Variants in MAN1A1 observed in about 807,000 individuals in gnomAD.
MAN1A1 encodes mannosyl-oligosaccharide 1,2-alpha-mannosidase IA.
In MAN1A1, 29 loss-of-function variants were observed where a neutral mutation model predicts 70.8. That is an observed-to-expected ratio of 0.41 (90% confidence interval 0.31 to 0.56). The LOEUF (loss-of-function observed/expected upper bound fraction) is 0.56, where lower values mean the gene tolerates loss of function less well. Among genes scored for constraint, MAN1A1 ranks in the 20% least tolerant of loss-of-function variants. The pLI is 0.29. For missense variants in MAN1A1, 747 were observed against 841.3 expected (o/e 0.89, Z 1.39); for synonymous variants, 349 against 330.1 (o/e 1.06, Z -0.62).
At chr6:119,180,523 T>TC (rs1773123877) in intron 11 of MAN1A1, 96 bp from the exon 12 acceptor site, 3 of 685,178 alleles carry the variant, frequency 4.4e-6, no homozygotes, top group Non-Finnish European at 5.0e-6. Context: ...TAAAACATTT[T>TC]TTTTTTTTGA....
chr6:119,200,311 T>C (rs1316019065), intron 8 of MAN1A1, among the ~76,000 whole-genome samples: 2 of 152,338 alleles, frequency 1.3e-5, no homozygotes, highest in Middle Eastern at 3.4e-3. Context: ...CAGTGATCTG[T>C]TGACCACACT....
At chr6:119,337,638 G>A (rs975550825) in intron 2 of MAN1A1, among the ~76,000 whole-genome samples, 1 of 152,064 alleles carries the variant, frequency 6.6e-6, no homozygotes, top group African/African-American at 2.4e-5. Context: ...CCTACACTGT[G>A]GCTTTATCTT....
chr6:119,319,769 C>T lies in MAN1A1; in HGVS notation c.604-12777G>A, dbSNP rs77595299. On this transcript the variant is annotated intron_variant, in intron 2 of 12. Coordinates refer to ENST00000368468, the MANE Select transcript of MAN1A1 (RefSeq NM_005907.4). ...TTGCTGAAACTGACAACTGTAAAAGCCTAATGTTCTTTCCTGGCCTCTTCA... is the reference window on the plus strand; with the variant it reads ...TTGCTGAAACTGACAACTGTAAAAGTCTAATGTTCTTTCCTGGCCTCTTCA... Among the ~76,000 whole-genome samples the T allele has an allele frequency of 5.9e-3, 897 of 152,254 alleles. 30 individuals carry two copies. The East Asian group carries it at 0.09, about 15-fold the overall frequency.
chr6:119,237,532 C>T (rs549214493), intron 6 of MAN1A1, among the ~76,000 whole-genome samples: 1 of 152,008 alleles, frequency 6.6e-6, no homozygotes, highest in Non-Finnish European at 1.5e-5. Context: ...TTTTGTCTTG[C>T]GTTTCTTTTC....
intron 5 of MAN1A1, among the ~76,000 whole-genome samples, chr6:119,279,981 ATC>A (rs1364597125): frequency 6.6e-6 from 1 of 152,194 alleles, no homozygotes; most frequent in Non-Finnish European, 1.5e-5. Context: ...AGAACTGAAC[ATC>A]TGTTTTCAAA....
chr6:119,197,633 C>T (rs1408197753), intron 8 of MAN1A1, among the ~76,000 whole-genome samples: 1 of 152,086 alleles, frequency 6.6e-6, no homozygotes, highest in Non-Finnish European at 1.5e-5. Flanking sequence ...TGAGCTGGGT[C>T]TTGAGAGGTG....
chr6:119,256,868 T>C (rs1775474460), intron 5 of MAN1A1, among the ~76,000 whole-genome samples: 1 of 152,162 alleles, frequency 6.6e-6, no homozygotes, highest in Non-Finnish European at 1.5e-5. Context: ...GTAAGGGCTA[T>C]ACGAGAGATA....
chr6:119,271,363 G>A (rs1263769487), intron 5 of MAN1A1, among the ~76,000 whole-genome samples: 1 of 151,968 alleles, frequency 6.6e-6, no homozygotes, highest in African/African-American at 2.4e-5. Flanking sequence ...TTTGCTCTAG[G>A]TAATACCTAA....
intron 6 of MAN1A1, among the ~76,000 whole-genome samples, chr6:119,220,584 T>C (rs905200084): frequency 1.3e-5 from 2 of 152,190 alleles, no homozygotes; most frequent in Non-Finnish European, 2.9e-5. Context: ...TGTAATTCAA[T>C]TAATCACCAC....
At chr6:119,280,512 G>A (rs1462039743) in intron 5 of MAN1A1, among the ~76,000 whole-genome samples, 1 of 152,210 alleles carries the variant, frequency 6.6e-6, no homozygotes, top group Non-Finnish European at 1.5e-5. Flanking sequence ...TATTCAATAA[G>A]CATCTGCTGA....
At chr6:119,342,158 T>C (rs1033071776) in intron 2 of MAN1A1, among the ~76,000 whole-genome samples, 4 of 152,186 alleles carry the variant, frequency 2.6e-5, no homozygotes, top group Non-Finnish European at 5.9e-5. Flanking sequence ...TTTTTGGAAT[T>C]TGGTAAAAAT....
chr6:119,276,654 G>A (rs2114389158), intron 5 of MAN1A1, among the ~76,000 whole-genome samples: 1 of 152,252 alleles, frequency 6.6e-6, no homozygotes, highest in Middle Eastern at 3.4e-3. Flanking sequence ...CTTTCTACCT[G>A]ACTATAGTAA....
At position 119,262,958 on chromosome 6, in the gene MAN1A1, G is replaced by C. The variant is rs547536056; in HGVS notation, c.898-14604C>G. On this transcript the variant is annotated intron_variant, in intron 5 of 12. Transcript: ENST00000368468. ...GGCAGATTCACCCTTACTCTGATGG[G>C]CACAATCTAATCAGCTTCCAGTGAA... Among the ~76,000 whole-genome samples the C allele has an allele frequency of 3.9e-5, 6 of 152,256 alleles. No homozygotes were observed. In the East Asian group the frequency reaches 1.2e-3, roughly 29 times the overall value.
upstream of MAN1A1, among the ~76,000 whole-genome samples, chr6:119,350,109 C>T (rs1022244592): frequency 1.7e-4 from 26 of 152,220 alleles, no homozygotes; most frequent in Non-Finnish European, 3.1e-4. Flanking sequence ...GTGGTTGATC[C>T]TCGACTGGCC....
chr6:119,189,626 T>A (rs1358378858), intron 10 of MAN1A1, 38 bp downstream of exon 10: 2 of 1,589,090 alleles, frequency 1.3e-6, no homozygotes, highest in Non-Finnish European at 1.7e-6. Flanking sequence ...TCAAAGCATG[T>A]GGGAATAGAC....
At chr6:119,261,955 G>A (rs776178858) in intron 5 of MAN1A1, among the ~76,000 whole-genome samples, 3 of 152,156 alleles carry the variant, frequency 2.0e-5, no homozygotes, top group Non-Finnish European at 2.9e-5. Flanking sequence ...AAAGCTCTAA[G>A]TGGAAAAAAC....
intron 2 of MAN1A1, among the ~76,000 whole-genome samples, chr6:119,334,214 C>T (rs1260465037): frequency 6.6e-6 from 1 of 152,122 alleles, no homozygotes; most frequent in African/African-American, 2.4e-5. Flanking sequence ...CAACAGCAAG[C>T]AGATTTTAAA....
chr6:119,275,512 T>C (rs1321343646), intron 5 of MAN1A1, among the ~76,000 whole-genome samples: 1 of 148,660 alleles, frequency 6.7e-6, no homozygotes, highest in Non-Finnish European at 1.5e-5. Flanking sequence ...TTCACCGTTT[T>C]AGCCGGGATG....
At chr6:119,277,454 A>G (rs1196701536) in intron 5 of MAN1A1, among the ~76,000 whole-genome samples, 1 of 152,246 alleles carries the variant, frequency 6.6e-6, no homozygotes, top group Non-Finnish European at 1.5e-5. Flanking sequence ...CCCAGACCAT[A>G]AAAATTTTTA....
Sources: allele counts gnomAD v4.1 joint callset (sites outside exome capture counted in the v4.1 genomes callset), GRCh38; gene constraint gnomAD v4.1.1; transcripts MANE v1.5; gene names NCBI Gene and HGNC (gene_info 2026-07-23, HGNC 2026-07-21).